NEDD9: variants seen among roughly 807,000 people sequenced by gnomAD.
NEDD9 encodes the protein neural precursor cell expressed, developmentally down-regulated 9.
In NEDD9, 26 loss-of-function variants were observed where a neutral mutation model predicts 76.6. That is an observed-to-expected ratio of 0.34 (90% CI 0.25 to 0.47). NEDD9 has a LOEUF of 0.47. NEDD9 is among the 20% of genes least tolerant of loss of function. The probability of loss-of-function intolerance (pLI) is 1.00; values close to 1 mark genes in which losing one functional copy is unlikely to be tolerated. For synonymous variants in NEDD9, 392 were observed against 414.2 expected (o/e 0.95, Z 0.65); for missense variants, 937 against 1,058.5 (o/e 0.89, Z 1.59).
chr6:11,356,800 G>A (rs548116826), intron 1 of NEDD9, among the ~76,000 whole-genome samples: 126 of 140,904 alleles, frequency 8.9e-4, no homozygotes, highest in Non-Finnish European at 1.7e-3. Flanking sequence ...GTGGATAAAT[G>A]TTTTATGGCC....
chr6:11,196,901 C>T (rs1441022818), intron 2 of NEDD9, among the ~76,000 whole-genome samples: 1 of 152,170 alleles, frequency 6.6e-6, no homozygotes, highest in African/African-American at 2.4e-5. Context: ...CGACCTGTTG[C>T]TTGGGTCACT....
intron 1 of NEDD9, among the ~76,000 whole-genome samples, chr6:11,355,963 T>C (rs113574189): frequency 0.028 from 4,243 of 152,092 alleles, 87 homozygotes; most frequent in East Asian, 0.063. Flanking sequence ...CCTCGTGATC[T>C]GCCCACCTTG....
chr6:11,280,216 C>G (rs533001943), intron 3 of NEDD9, among the ~76,000 whole-genome samples: 1 of 152,260 alleles, frequency 6.6e-6, no homozygotes, highest in East Asian at 1.9e-4. Context: ...AAACAACATG[C>G]CAAGGGGAAG....
intron 3 of NEDD9, among the ~76,000 whole-genome samples, chr6:11,272,637 C>T (rs1760333114): frequency 6.6e-6 from 1 of 152,204 alleles, no homozygotes; most frequent in African/African-American, 2.4e-5. Context: ...TTTCCCCCAC[C>T]TAACCTCAGA....
At chr6:11,353,806 G>A (rs1043244708) in intron 1 of NEDD9, among the ~76,000 whole-genome samples, 2 of 152,178 alleles carry the variant, frequency 1.3e-5, no homozygotes, top group African/African-American at 4.8e-5. Flanking sequence ...ATGGAATAGG[G>A]GCAGGTGATT....
chr6:11,343,596 C>A (rs1334287640), intron 1 of NEDD9, among the ~76,000 whole-genome samples: 4 of 152,176 alleles, frequency 2.6e-5, no homozygotes, highest in Non-Finnish European at 5.9e-5. Context: ...TGGGCAAGAA[C>A]TTTTGCCTGT....
At chr6:11,255,388 A>G (rs568459829) in intron 3 of NEDD9, among the ~76,000 whole-genome samples, 1 of 152,372 alleles carries the variant, frequency 6.6e-6, no homozygotes, top group South Asian at 2.1e-4. Flanking sequence ...AGAACTACGT[A>G]AAAGAAATTC....
At chr6:11,281,195 T>C (rs1380641110) in intron 3 of NEDD9, among the ~76,000 whole-genome samples, 1 of 152,242 alleles carries the variant, frequency 6.6e-6, no homozygotes, top group Non-Finnish European at 1.5e-5. Flanking sequence ...AGAACTACCC[T>C]TTTAAGTCTT....
intron 1 of NEDD9, among the ~76,000 whole-genome samples, chr6:11,353,522 C>T (rs748905776): frequency 5.9e-5 from 9 of 152,178 alleles, no homozygotes; most frequent in East Asian, 1.9e-4. Flanking sequence ...TCAGAAAGAG[C>T]GTGGCCCTGC....
chr6:11,220,878 C>T (rs1759120448), intron 1 of NEDD9, among the ~76,000 whole-genome samples: 1 of 152,220 alleles, frequency 6.6e-6, no homozygotes, highest in African/African-American at 2.4e-5. Context: ...TGGACAGACA[C>T]ATTCATATGC....
At chr6:11,228,630 A>AGAACAGAACTTTC (rs1243221847) in intron 1 of NEDD9, among the ~76,000 whole-genome samples, 2 of 151,950 alleles carry the variant, frequency 1.3e-5, no homozygotes, top group Non-Finnish European at 2.9e-5. Flanking sequence ...ACAGGGACTG[A>AGAACAGAACTTTC]CGTGTATCCC....
intron 1 of NEDD9, among the ~76,000 whole-genome samples, chr6:11,231,764 A>AAACATT (rs1192695751): frequency 2.1e-4 from 32 of 152,192 alleles, no homozygotes; most frequent in Admixed American, 1.6e-3. Context: ...GGCAAGAAAA[A>AAACATT]TCCACAAACA....
At chr6:11,356,774 A>G (rs1762584955) in intron 1 of NEDD9, among the ~76,000 whole-genome samples, 1 of 128,248 alleles carries the variant, frequency 7.8e-6, no homozygotes, top group African/African-American at 2.9e-5. Context: ...TCAGTAAATT[A>G]TTGATGAATA....
chr6:11,325,377 C>T (rs1173274690), intron 2 of NEDD9, among the ~76,000 whole-genome samples: 1 of 151,238 alleles, frequency 6.6e-6, no homozygotes, highest in African/African-American at 2.4e-5. Context: ...AAAGAATGTG[C>T]ATTATTGAGA....
At chr6:11,277,562 G>T (rs1268882612) in intron 3 of NEDD9, among the ~76,000 whole-genome samples, 3 of 152,164 alleles carry the variant, frequency 2.0e-5, no homozygotes, top group Non-Finnish European at 4.4e-5. Context: ...GTGAGAAAAG[G>T]CTCAGAGAGC....
chr6:11,350,194 T>G (rs953080490), intron 1 of NEDD9, among the ~76,000 whole-genome samples: 10 of 152,222 alleles, frequency 6.6e-5, no homozygotes, highest in African/African-American at 2.4e-4. Flanking sequence ...AATCTTTTCA[T>G]GTACATCCAG....
chr6:11,249,854 G>C (rs113048527), intron 3 of NEDD9, among the ~76,000 whole-genome samples: 1 of 152,158 alleles, frequency 6.6e-6, no homozygotes, highest in Non-Finnish European at 1.5e-5. Flanking sequence ...CTGTTGGCTC[G>C]CGTGGGCTTC....
At chr6:11,339,647 G>A (rs971745253) in intron 1 of NEDD9, among the ~76,000 whole-genome samples, 2 of 152,202 alleles carry the variant, frequency 1.3e-5, no homozygotes, top group Non-Finnish European at 2.9e-5. Flanking sequence ...TATGCCAGAT[G>A]AAATGTGAGA....
chr6:11,322,802 G>A (rs115827963), intron 2 of NEDD9, among the ~76,000 whole-genome samples: 2,568 of 152,272 alleles, frequency 0.017, 83 homozygotes, highest in African/African-American at 0.057. Context: ...CTAGGGGCGA[G>A]GCCTGGGGAC....
Sources: gnomAD v4.1 joint callset for allele counts (sites outside exome capture counted in the v4.1 genomes callset) on GRCh38, gnomAD v4.1.1 for gene constraint, MANE v1.5 for transcripts, NCBI Gene and HGNC (gene_info 2026-07-23, HGNC 2026-07-21) for gene names.